FBXL7: variants seen among roughly 807,000 people sequenced by gnomAD.
The protein encoded by FBXL7 is F-box/LRR-repeat protein 7.
Under a neutral mutation model 38.3 loss-of-function variants are expected in FBXL7, and 12 were observed. The ratio of observed to expected loss-of-function variants is 0.31; its 90% CI spans 0.20 to 0.51. The LOEUF (loss-of-function observed/expected upper bound fraction) is 0.51. FBXL7 is among the 20% of genes least tolerant of loss of function. FBXL7 has a pLI of 0.98. For synonymous variants in FBXL7, 297 were observed against 300.9 expected (o/e 0.99, Z 0.13); for missense variants, 567 against 676.4 (o/e 0.84, Z 1.79).
intron 2 of FBXL7, among the ~76,000 whole-genome samples, chr5:15,640,998 A>T (rs907420754): frequency 3.3e-5 from 5 of 152,224 alleles, no homozygotes; most frequent in African/African-American, 1.2e-4. Context: ...GAGCTGGGTC[A>T]GCCCAGCCAC....
At chr5:15,886,674 AG>A (rs928719160) in intron 2 of FBXL7, among the ~76,000 whole-genome samples, 6 of 152,184 alleles carry the variant, frequency 3.9e-5, no homozygotes, top group Non-Finnish European at 8.8e-5. Context: ...CTATAAACCA[AG>A]GATCTTCCAC....
At chr5:15,630,176 A>G (rs1740952772) in intron 2 of FBXL7, among the ~76,000 whole-genome samples, 1 of 152,210 alleles carries the variant, frequency 6.6e-6, no homozygotes, top group Non-Finnish European at 1.5e-5. Context: ...AGTTTTTAAC[A>G]TTCTGAGTCA....
intron 2 of FBXL7, among the ~76,000 whole-genome samples, chr5:15,630,428 T>C (rs1740959787): frequency 6.6e-6 from 1 of 152,160 alleles, no homozygotes; most frequent in South Asian, 2.1e-4. Flanking sequence ...TAACTTTCAT[T>C]TTATTGGCAC....
intron 2 of FBXL7, among the ~76,000 whole-genome samples, chr5:15,710,511 C>G (rs1010181084): frequency 5.3e-5 from 8 of 152,252 alleles, no homozygotes; most frequent in African/African-American, 1.9e-4. Flanking sequence ...AAAAAACACA[C>G]TCTTGCTTAC....
Position 15,589,589 on chromosome 5 carries a change from C to T in FBXL7, c.38-26394C>T, listed in dbSNP as rs374533208. 1.0e-3 allele frequency among the ~76,000 whole-genome samples: 153 copies of T among 152,098 alleles called. 5 individuals are homozygous for T. The highest frequency in any genetic ancestry group is 5.8e-4 in the African/African-American group (24 of 41,482). On this transcript the variant is annotated intron_variant, in intron 1 of 3. Coordinates refer to ENST00000504595, the MANE Select transcript of FBXL7 (RefSeq NM_012304.5). ...CTTCAAGTATTTCTTTATAGTAGTGCGAGAAGGGACTAATACAGTATTTGT... is the reference window on the plus strand; with the variant it reads ...CTTCAAGTATTTCTTTATAGTAGTGTGAGAAGGGACTAATACAGTATTTGT...
chr5:15,815,487 A>G (rs777048958), intron 2 of FBXL7, among the ~76,000 whole-genome samples: 27 of 152,164 alleles, frequency 1.8e-4, no homozygotes, highest in Non-Finnish European at 3.2e-4. Flanking sequence ...GGGTTCGTGA[A>G]TTAATCCCTA....
chr5:15,549,778 G>T (rs1358166374), intron 1 of FBXL7, among the ~76,000 whole-genome samples: 1 of 152,142 alleles, frequency 6.6e-6, no homozygotes, highest in African/African-American at 2.4e-5. Flanking sequence ...AAAAGTTTTT[G>T]CATGATGCCA....
At chr5:15,544,557 TACACAC>T (rs142884662) in intron 1 of FBXL7, among the ~76,000 whole-genome samples, 1 of 151,068 alleles carries the variant, frequency 6.6e-6, no homozygotes, top group Non-Finnish European at 1.5e-5. Flanking sequence ...GCCTGTACAT[TACACAC>T]ACACACACAC....
At chr5:15,516,413 C>T (rs2126365342) in intron 1 of FBXL7, among the ~76,000 whole-genome samples, 2 of 152,322 alleles carry the variant, frequency 1.3e-5, no homozygotes, top group Middle Eastern at 6.8e-3. Flanking sequence ...TCAGGTGCTC[C>T]TAACTGCATT....
At chr5:15,754,129 T>C (rs1736227813) in intron 2 of FBXL7, among the ~76,000 whole-genome samples, 2 of 152,214 alleles carry the variant, frequency 1.3e-5, no homozygotes, top group Non-Finnish European at 2.9e-5. Flanking sequence ...TCCCAGGTGA[T>C]AATGATGCTG....
At chr5:15,563,244 C>A (rs1236685586) in intron 1 of FBXL7, among the ~76,000 whole-genome samples, 1 of 152,088 alleles carries the variant, frequency 6.6e-6, no homozygotes, top group Admixed American at 6.5e-5. Flanking sequence ...GTGCTTGGCA[C>A]CAAGTTGGGC....
chr5:15,567,147 T>C lies in FBXL7; in HGVS notation c.38-48836T>C, dbSNP rs148513876. ...ATCAGCATCATTTGCTGGAGTTTTT[T>C]TCCTATAGACCAAAAGATGTTTTTA... On this transcript the variant is annotated intron_variant, in intron 1 of 3. Coordinates refer to ENST00000504595, the MANE Select transcript of FBXL7 (RefSeq NM_012304.5). Among the ~76,000 whole-genome samples the C allele has an allele frequency of 1.4e-3, 210 of 152,238 alleles. 1 individual carries two copies. The highest frequency in any genetic ancestry group is 4.5e-3 in the African/African-American group (187 of 41,552).
At chr5:15,609,245 A>G (rs921643291) in intron 1 of FBXL7, among the ~76,000 whole-genome samples, 14 of 152,320 alleles carry the variant, frequency 9.2e-5, no homozygotes, top group African/African-American at 3.4e-4. Flanking sequence ...GGAGAGGTCA[A>G]GCCGCTGCCT....
chr5:15,804,369 C>A (rs759652732), intron 2 of FBXL7, among the ~76,000 whole-genome samples: 1 of 151,964 alleles, frequency 6.6e-6, no homozygotes, highest in Admixed American at 6.6e-5. Flanking sequence ...CTCCAGAGGC[C>A]GAGGTGGGAG....
chr5:15,862,220 G>A (rs977707294), intron 2 of FBXL7, among the ~76,000 whole-genome samples: 52 of 152,106 alleles, frequency 3.4e-4, no homozygotes, highest in African/African-American at 1.2e-3. Context: ...TCGTGGTAGT[G>A]AATAAGTCTC....
intron 2 of FBXL7, among the ~76,000 whole-genome samples, chr5:15,726,181 C>T (rs1579411110): frequency 1.3e-5 from 2 of 152,150 alleles, no homozygotes; most frequent in African/African-American, 2.4e-5. Context: ...GCCACTCCCA[C>T]TCTTTTTTGG....
intron 1 of FBXL7, among the ~76,000 whole-genome samples, chr5:15,541,443 G>GTGTGTA (rs1264820921): frequency 5.2e-5 from 2 of 38,444 alleles, no homozygotes; most frequent in East Asian, 7.6e-4. Context: ...GTGTGTGTGT[G>GTGTGTA]TATATATATA....
chr5:15,825,757 A>G (rs1738293709), intron 2 of FBXL7, among the ~76,000 whole-genome samples: 1 of 152,196 alleles, frequency 6.6e-6, no homozygotes, highest in Non-Finnish European at 1.5e-5. Context: ...TAAATTGCCA[A>G]AGATTTGAAA....
intron 2 of FBXL7, among the ~76,000 whole-genome samples, chr5:15,801,912 ATCTC>A (rs1221510741): frequency 6.6e-6 from 1 of 152,040 alleles, no homozygotes; most frequent in Admixed American, 6.6e-5. Flanking sequence ...ATGTGTATCT[ATCTC>A]CATTTCATCG....
Sources: allele counts gnomAD v4.1 joint callset (sites outside exome capture counted in the v4.1 genomes callset), GRCh38; gene constraint gnomAD v4.1.1; transcripts MANE v1.5; gene names NCBI Gene and HGNC (gene_info 2026-07-23, HGNC 2026-07-21).